GRID2: variants seen among roughly 807,000 people sequenced by gnomAD.
GRID2 encodes the protein glutamate ionotropic receptor delta type subunit 2.
A neutral mutation model predicts 114.8 loss-of-function variants in GRID2; 33 were observed. The observed-to-expected ratio is 0.29, with a 90% CI of 0.22 to 0.38. GRID2 has a LOEUF of 0.38. Among genes scored for constraint, GRID2 ranks in the 10% least tolerant of loss-of-function variants. GRID2 has a pLI of 1.00. For missense variants in GRID2, 1,184 were observed against 1,257.7 expected (o/e 0.94, Z 0.89); for synonymous variants, 505 against 449.9 (o/e 1.12, Z -1.55).
At chr4:93,205,654 A>C (rs1579286940) in intron 4 of GRID2, among the ~76,000 whole-genome samples, 1 of 152,182 alleles carries the variant, frequency 6.6e-6, no homozygotes, top group South Asian at 2.1e-4. Flanking sequence ...ATGATTTATA[A>C]TCCTTTGGGT....
At chr4:92,546,657 A>G (rs181814472) in intron 1 of GRID2, among the ~76,000 whole-genome samples, 1 of 152,360 alleles carries the variant, frequency 6.6e-6, no homozygotes, top group Non-Finnish European at 1.5e-5. Flanking sequence ...GCACCTTAGT[A>G]AACTGAGATT....
At chr4:92,888,500 A>G (rs1445921300) in intron 2 of GRID2, among the ~76,000 whole-genome samples, 1 of 152,088 alleles carries the variant, frequency 6.6e-6, no homozygotes, top group Non-Finnish European at 1.5e-5. Flanking sequence ...ATTATTAAGG[A>G]TGAGAATGTA....
At chr4:93,224,229 C>T (rs1257646503) in intron 6 of GRID2, among the ~76,000 whole-genome samples, 1 of 152,104 alleles carries the variant, frequency 6.6e-6, no homozygotes, top group East Asian at 1.9e-4. Flanking sequence ...AAAAACTTAA[C>T]ATATTCAGAA....
intron 2 of GRID2, among the ~76,000 whole-genome samples, chr4:92,850,051 T>A (rs1392300928): frequency 6.6e-6 from 1 of 151,352 alleles, no homozygotes; most frequent in Admixed American, 6.6e-5. Context: ...GAACATTGTG[T>A]GTTTTTCAAA....
chr4:93,765,324 CA>C lies in GRID2; in HGVS notation c.2361-3885del, dbSNP rs565488806. Among the ~76,000 whole-genome samples, 37 of 152,178 alleles carry C rather than the reference CA, an allele frequency of 2.4e-4. No individual in the cohort carries two copies. The South Asian group carries it at 5.2e-3, about 21-fold the overall frequency. On this transcript the variant is annotated intron_variant, in intron 14 of 15. Coordinates refer to ENST00000282020, the MANE Select transcript of GRID2 (RefSeq NM_001510.4). ...AGCCTGTATTCCTGGAATCTGTTGT[CA>C]GGGGTGACTGAGGGGTCAGATGGTC...
At chr4:92,878,736 G>C (rs1012701981) in intron 2 of GRID2, among the ~76,000 whole-genome samples, 2 of 152,026 alleles carry the variant, frequency 1.3e-5, no homozygotes, top group Non-Finnish European at 2.9e-5. Flanking sequence ...GATATATAGT[G>C]ATAGAAATAA....
intron 14 of GRID2, among the ~76,000 whole-genome samples, chr4:93,734,391 T>C (rs1055288973): frequency 5.3e-5 from 8 of 152,014 alleles, no homozygotes; most frequent in Admixed American, 4.6e-4. Context: ...TGCAATCTGG[T>C]AAGATAAAAC....
At chr4:92,475,853 A>T (rs1268812912) in intron 1 of GRID2, among the ~76,000 whole-genome samples, 1 of 151,898 alleles carries the variant, frequency 6.6e-6, no homozygotes, top group Admixed American at 6.6e-5. Flanking sequence ...TCAATATTAT[A>T]TAGTTTTCGG....
intron 1 of GRID2, among the ~76,000 whole-genome samples, chr4:92,561,299 G>A (rs559000401): frequency 2.6e-5 from 4 of 152,182 alleles, no homozygotes; most frequent in African/African-American, 9.6e-5. Flanking sequence ...TAACCTTCTT[G>A]CAAAATACAC....
chr4:93,431,256 T>C (rs1455415143), intron 10 of GRID2, among the ~76,000 whole-genome samples: 1 of 152,080 alleles, frequency 6.6e-6, no homozygotes, highest in Non-Finnish European at 1.5e-5. Flanking sequence ...ACTGTGAAAG[T>C]GCCATAGGAG....
chr4:93,244,887 C>A (rs1748027026), intron 8 of GRID2, among the ~76,000 whole-genome samples: 1 of 151,414 alleles, frequency 6.6e-6, no homozygotes, highest in Non-Finnish European at 1.5e-5. Flanking sequence ...TCTTAAAGCA[C>A]TTTTTGCAAA....
chr4:93,507,177 C>G (rs1728716366), intron 12 of GRID2, among the ~76,000 whole-genome samples: 1 of 152,090 alleles, frequency 6.6e-6, no homozygotes, highest in African/African-American at 2.4e-5. Flanking sequence ...AATTATGGAC[C>G]AAGCCACCTT....
chr4:93,623,763 C>T (rs1742431803), intron 13 of GRID2, among the ~76,000 whole-genome samples: 1 of 152,022 alleles, frequency 6.6e-6, no homozygotes, highest in Non-Finnish European at 1.5e-5. Flanking sequence ...TATTTTTAAG[C>T]TTTATAACAT....
chr4:92,974,337 G>A (rs989944202), intron 2 of GRID2, among the ~76,000 whole-genome samples: 1 of 152,044 alleles, frequency 6.6e-6, no homozygotes, highest in Non-Finnish European at 1.5e-5. Flanking sequence ...CCATTACTAG[G>A]CATATACCCA....
chr4:93,277,873 C>T (rs1285539733), intron 8 of GRID2, among the ~76,000 whole-genome samples: 5 of 151,712 alleles, frequency 3.3e-5, no homozygotes, highest in African/African-American at 7.3e-5. Flanking sequence ...AGAGGGAACA[C>T]GTATTGAATT....
chr4:92,762,386 C>T (rs897581863), intron 2 of GRID2, among the ~76,000 whole-genome samples: 6 of 151,686 alleles, frequency 4.0e-5, no homozygotes. Context: ...ATGAATACTC[C>T]TTTAAATGAA....
chr4:92,442,442 G>T (rs1259812714), intron 1 of GRID2, among the ~76,000 whole-genome samples: 5 of 152,076 alleles, frequency 3.3e-5, no homozygotes, highest in Non-Finnish European at 5.9e-5. Flanking sequence ...CCTTGGGGAG[G>T]AGGTTCTGGA....
rs186788746 is a variant in GRID2 at position 92,305,756 on chromosome 4, C to T, written c.88+1012C>T. ...CAGCGCTCGCAGCTTCAGGCTCCAACTCTACTCACTTGCTAATCCGTGAGA... is the reference window on the plus strand; with the variant it reads ...CAGCGCTCGCAGCTTCAGGCTCCAATTCTACTCACTTGCTAATCCGTGAGA... On this transcript the variant is annotated intron_variant, in intron 1 of 15. Transcript: ENST00000282020. 4.6e-5 allele frequency among the ~76,000 whole-genome samples: 7 copies of T among 152,308 alleles called. No individual in the cohort carries two copies. In the South Asian group the frequency reaches 6.2e-4, roughly 14 times the overall value.
At chr4:92,387,066 A>G (rs1729997196) in intron 1 of GRID2, among the ~76,000 whole-genome samples, 1 of 151,904 alleles carries the variant, frequency 6.6e-6, no homozygotes, top group South Asian at 2.1e-4. Flanking sequence ...AAAGCACACT[A>G]TTGATGGTCC....
Sources: allele counts gnomAD v4.1 joint callset (sites outside exome capture counted in the v4.1 genomes callset), GRCh38; gene constraint gnomAD v4.1.1; transcripts MANE v1.5; gene names NCBI Gene and HGNC (gene_info 2026-07-23, HGNC 2026-07-21).